MYCBP2: variants seen among roughly 807,000 people sequenced by gnomAD.
MYCBP2 encodes MYC binding protein 2.
Under a neutral mutation model 525.3 loss-of-function variants are expected in MYCBP2, and 120 were observed. The ratio of observed to expected loss-of-function variants is 0.23; its 90% CI spans 0.20 to 0.27. The LOEUF is 0.27. Ranked by LOEUF, MYCBP2 falls within the 10% of genes least tolerant of loss-of-function variation. MYCBP2 has a pLI of 1.00. For missense variants in MYCBP2, 4,149 were observed against 5,657.1 expected (o/e 0.73, Z 8.55); for synonymous variants, 1,894 against 1,955.8 (o/e 0.97, Z 0.83).
intron 21 of MYCBP2, among the ~76,000 whole-genome samples, chr13:77,217,437 A>G (rs1464991331): frequency 6.6e-6 from 1 of 152,232 alleles, no homozygotes; most frequent in Non-Finnish European, 1.5e-5. Context: ...ATAATTTTAA[A>G]CAAATCAAAT....
intron 55 of MYCBP2, among the ~76,000 whole-genome samples, chr13:77,103,982 T>C (rs545400453): frequency 1.3e-5 from 2 of 152,222 alleles, no homozygotes; most frequent in Admixed American, 1.3e-4. Flanking sequence ...GGAACGTCAA[T>C]GATTTACTAT....
intron 62 of MYCBP2, among the ~76,000 whole-genome samples, chr13:77,087,106 T>C (rs974211349): frequency 6.6e-6 from 1 of 152,174 alleles, no homozygotes; most frequent in Non-Finnish European, 1.5e-5. Context: ...TATGATAATG[T>C]TGCTTGATAT....
At chr13:77,302,971 C>G (rs1301515785) in intron 1 of MYCBP2, among the ~76,000 whole-genome samples, 1 of 152,176 alleles carries the variant, frequency 6.6e-6, no homozygotes, top group Non-Finnish European at 1.5e-5. Context: ...AGAGTAAGTT[C>G]TAACATACCT....
At chr13:77,259,921 T>C (rs1387190215) in intron 13 of MYCBP2, among the ~76,000 whole-genome samples, 1 of 152,186 alleles carries the variant, frequency 6.6e-6, no homozygotes, top group Non-Finnish European at 1.5e-5. Flanking sequence ...TCATATCCAC[T>C]TCTCAAACTT....
intron 26 of MYCBP2, among the ~76,000 whole-genome samples, chr13:77,203,055 CAGG>C: frequency 6.6e-6 from 1 of 151,314 alleles, no homozygotes; most frequent in South Asian, 2.1e-4. Context: ...GGCAATTAGG[CAGG>C]AGAAGGAAAT....
chr13:77,088,037 G>T (rs575057811), intron 61 of MYCBP2, among the ~76,000 whole-genome samples: 1 of 151,726 alleles, frequency 6.6e-6, no homozygotes, highest in Non-Finnish European at 1.5e-5. Context: ...TCCCTCCTCC[G>T]CCTCCCAAAG....
At chr13:77,162,461 A>G (rs2058050193) in intron 43 of MYCBP2, among the ~76,000 whole-genome samples, 1 of 152,222 alleles carries the variant, frequency 6.6e-6, no homozygotes, top group Non-Finnish European at 1.5e-5. Context: ...TAATTATTAA[A>G]TGTTACTAAT....
At chr13:77,278,085 T>C (rs141963129) in intron 4 of MYCBP2, among the ~76,000 whole-genome samples, 25 of 152,298 alleles carry the variant, frequency 1.6e-4, no homozygotes, top group African/African-American at 5.8e-4. Context: ...AGTCAGAAGT[T>C]TAATCCATAA....
intron 39 of MYCBP2, among the ~76,000 whole-genome samples, chr13:77,169,170 A>T (rs546750494): frequency 6.6e-6 from 1 of 152,302 alleles, no homozygotes; most frequent in African/African-American, 2.4e-5. Flanking sequence ...GCACTTTGGG[A>T]GGGCGAGGCG....
At chr13:77,088,366 GTTAT>G (rs1035848782) in intron 61 of MYCBP2, among the ~76,000 whole-genome samples, 18 of 152,012 alleles carry the variant, frequency 1.2e-4, no homozygotes, top group African/African-American at 3.9e-4. Flanking sequence ...GAAGTGGTAG[GTTAT>G]TTATCACATT....
At chr13:77,288,973 T>G (rs2154360017) in intron 2 of MYCBP2, among the ~76,000 whole-genome samples, 1 of 152,318 alleles carries the variant, frequency 6.6e-6, no homozygotes, top group South Asian at 2.1e-4. Context: ...TTGTTAAGAC[T>G]AAACAGTTTC....
chr13:77,154,541 G>A (rs1375603143), intron 46 of MYCBP2, among the ~76,000 whole-genome samples: 2 of 151,954 alleles, frequency 1.3e-5, no homozygotes, highest in Non-Finnish European at 2.9e-5. Context: ...ATAATAAAAG[G>A]TGCAAAGGAG....
chr13:77,110,303 G>C (rs566947047), intron 55 of MYCBP2, among the ~76,000 whole-genome samples: 4 of 152,062 alleles, frequency 2.6e-5, no homozygotes, highest in African/African-American at 9.7e-5. Context: ...TGTCTTATTC[G>C]GTTGAGATAA....
chr13:77,188,894 T>C, intron 30 of MYCBP2, 57 bp downstream of exon 30: 1 of 1,206,608 alleles, frequency 8.3e-7, no homozygotes, highest in South Asian at 1.5e-5. Flanking sequence ...ACTCTAAACA[T>C]CAAAATGTAT....
intron 26 of MYCBP2, among the ~76,000 whole-genome samples, chr13:77,196,943 T>A (rs2061820775): frequency 6.6e-6 from 1 of 152,174 alleles, no homozygotes; most frequent in Non-Finnish European, 1.5e-5. Flanking sequence ...TTCTTGGCAC[T>A]CCAACATTTA....
In MYCBP2 at chr13:77,180,118, AT is replaced by A; in HGVS notation, c.5133+8del. ...GCTTTTTATCCAGTGTCAAAATATA[AT>A]GTATTACCTCAGATCCCAGGGCTGA... On this transcript the variant is annotated splice_region_variant and intron_variant, in intron 34 of 82. Coordinates refer to ENST00000544440, the MANE Select transcript of MYCBP2 (RefSeq NM_015057.5). 6.3e-7 allele frequency: 1 copy of A among 1,597,408 alleles called. No homozygotes were observed. Among genetic ancestry groups the A allele is most frequent in the Non-Finnish European group, 8.5e-7 (1 of 1,170,832 alleles).
intron 18 of MYCBP2, among the ~76,000 whole-genome samples, chr13:77,230,023 T>G (rs563234238): frequency 6.6e-6 from 1 of 152,356 alleles, no homozygotes; most frequent in African/African-American, 2.4e-5. Context: ...CTGTTTCGAA[T>G]ATAGTTTATA....
chr13:77,249,310 TATA>T (rs934639709), intron 15 of MYCBP2, among the ~76,000 whole-genome samples: 2 of 152,216 alleles, frequency 1.3e-5, no homozygotes, highest in Non-Finnish European at 2.9e-5. Context: ...GTCACAATTT[TATA>T]ATAATTGAAG....
chr13:77,218,579 GT>G (rs2065128475), intron 20 of MYCBP2, among the ~76,000 whole-genome samples: 1 of 152,116 alleles, frequency 6.6e-6, no homozygotes, highest in Non-Finnish European at 1.5e-5. Flanking sequence ...TTGTATTTCA[GT>G]TTCCTCTTTA....
Sources: gnomAD v4.1 joint callset for allele counts (sites outside exome capture counted in the v4.1 genomes callset) on GRCh38, gnomAD v4.1.1 for gene constraint, MANE v1.5 for transcripts, NCBI Gene and HGNC (gene_info 2026-07-23, HGNC 2026-07-21) for gene names.